The following CCSER1 variants were observed in gnomAD, a reference collection of about 807,000 sequenced individuals.
The protein encoded by CCSER1 is serine-rich coiled-coil domain-containing protein 1.
A neutral mutation model predicts 82.0 loss-of-function variants in CCSER1; 41 were observed. The observed-to-expected ratio is 0.50, with a 90% CI of 0.39 to 0.65. The LOEUF (loss-of-function observed/expected upper bound fraction) is 0.65, where lower values mean the gene tolerates loss of function less well. CCSER1 is among the 30% of genes least tolerant of loss of function. The pLI, the probability that CCSER1 is intolerant of heterozygous loss-of-function variation, is 0.00. For synonymous variants in CCSER1, 414 were observed against 383.9 expected (o/e 1.08, Z -0.92); for missense variants, 1,119 against 1,064.2 (o/e 1.05, Z -0.72).
At chr4:91,405,781 T>C (rs993450655) in intron 10 of CCSER1, among the ~76,000 whole-genome samples, 3 of 152,176 alleles carry the variant, frequency 2.0e-5, no homozygotes, top group Admixed American at 1.3e-4. Context: ...CTGTCATGGC[T>C]TCCCTTGGCT....
At chr4:91,233,438 T>C (rs1394362574) in intron 10 of CCSER1, among the ~76,000 whole-genome samples, 1 of 151,898 alleles carries the variant, frequency 6.6e-6, no homozygotes, top group African/African-American at 2.4e-5. Context: ...GAATTTTATT[T>C]AAGTTATTGA....
At chr4:90,734,609 A>G (rs1745347900) in intron 7 of CCSER1, among the ~76,000 whole-genome samples, 1 of 152,084 alleles carries the variant, frequency 6.6e-6, no homozygotes, top group Non-Finnish European at 1.5e-5. Context: ...TGCAATTTTC[A>G]CAATTTTCAA....
intron 4 of CCSER1, among the ~76,000 whole-genome samples, chr4:90,457,254 C>T (rs568558127): frequency 2.0e-4 from 30 of 152,290 alleles, no homozygotes; most frequent in African/African-American, 7.0e-4. Flanking sequence ...CGCCAAATAG[C>T]GTGTAAGAGC....
intron 10 of CCSER1, among the ~76,000 whole-genome samples, chr4:91,281,082 A>G (rs909678517): frequency 2.0e-5 from 3 of 152,164 alleles, no homozygotes; most frequent in Admixed American, 2.0e-4. Context: ...GAAATCCACC[A>G]TGGAAATGTA....
At chr4:90,187,895 C>T (rs1049911725) in intron 1 of CCSER1, among the ~76,000 whole-genome samples, 1 of 151,692 alleles carries the variant, frequency 6.6e-6, no homozygotes, top group Non-Finnish European at 1.5e-5. Flanking sequence ...GAAACAGTTG[C>T]AGAAGAAAAA....
At chr4:90,194,526 TTTAA>T (rs1736247328) in intron 1 of CCSER1, among the ~76,000 whole-genome samples, 1 of 152,092 alleles carries the variant, frequency 6.6e-6, no homozygotes, top group South Asian at 2.1e-4. Context: ...CATATGATTC[TTTAA>T]TTATATTAGA....
At chr4:91,263,770 A>C (rs1384589048) in intron 10 of CCSER1, among the ~76,000 whole-genome samples, 1 of 152,110 alleles carries the variant, frequency 6.6e-6, no homozygotes, top group African/African-American at 2.4e-5. Flanking sequence ...AATAATAATT[A>C]AAATTGGAAA....
intron 3 of CCSER1, among the ~76,000 whole-genome samples, chr4:90,368,971 T>A (rs1409201255): frequency 1.3e-5 from 2 of 151,900 alleles, no homozygotes; most frequent in African/African-American, 4.8e-5. Context: ...AAAAATTAAT[T>A]AAGCTCTAAA....
At chr4:90,724,998 T>A (rs530973989) in intron 7 of CCSER1, 5 of 442,628 alleles carry the variant, frequency 1.1e-5, no homozygotes, top group Admixed American at 7.3e-5. Context: ...ACTTTTTTGC[T>A]TAATGAGAGT....
chr4:91,403,750 T>C (rs912252061), intron 10 of CCSER1, among the ~76,000 whole-genome samples: 3 of 152,204 alleles, frequency 2.0e-5, no homozygotes, highest in African/African-American at 7.2e-5. Context: ...GAAGCTGACT[T>C]CATCATCATG....
chr4:91,146,108 C>G (rs1423309013), intron 10 of CCSER1, among the ~76,000 whole-genome samples: 1 of 152,132 alleles, frequency 6.6e-6, no homozygotes, highest in African/African-American at 2.4e-5. Flanking sequence ...TTCTTGGAGG[C>G]TTTGTTCATT....
At chr4:90,918,562 G>A (rs542389808) in intron 8 of CCSER1, among the ~76,000 whole-genome samples, 16 of 134,138 alleles carry the variant, frequency 1.2e-4, no homozygotes, top group African/African-American at 4.1e-4. Context: ...GTGTACTTGA[G>A]TATGCGCACG....
intron 10 of CCSER1, among the ~76,000 whole-genome samples, chr4:91,312,856 G>A (rs1023726084): frequency 1.4e-4 from 21 of 151,910 alleles, no homozygotes; most frequent in African/African-American, 4.3e-4. Flanking sequence ...TTTAGAAGGA[G>A]ATAAATAACT....
intron 5 of CCSER1, among the ~76,000 whole-genome samples, chr4:90,485,157 C>T (rs747436505): frequency 1.3e-4 from 20 of 152,202 alleles, no homozygotes; most frequent in Non-Finnish European, 1.5e-4. Context: ...GCTCTGTGGG[C>T]GTAGGACCCT....
chr4:90,323,866 G>A (rs1737627452), intron 3 of CCSER1, among the ~76,000 whole-genome samples: 1 of 151,862 alleles, frequency 6.6e-6, no homozygotes, highest in African/African-American at 2.4e-5. Flanking sequence ...TCCCCTTCCT[G>A]TGTCCATGTG....
At chr4:91,394,212 G>GA (rs1294585208) in intron 10 of CCSER1, among the ~76,000 whole-genome samples, 2 of 151,602 alleles carry the variant, frequency 1.3e-5, no homozygotes, top group African/African-American at 4.8e-5. Context: ...GTTTTCAGAG[G>GA]AAAAAACAAT....
At chr4:90,643,324 C>CAGCT (rs1726910794) in intron 6 of CCSER1, among the ~76,000 whole-genome samples, 1 of 152,182 alleles carries the variant, frequency 6.6e-6, no homozygotes, top group Non-Finnish European at 1.5e-5. Flanking sequence ...AGGAAACAGG[C>CAGCT]AGCTGTCCAG....
intron 6 of CCSER1, among the ~76,000 whole-genome samples, chr4:90,698,488 GA>G (rs1228632330): frequency 6.6e-6 from 1 of 152,166 alleles, no homozygotes; most frequent in East Asian, 1.9e-4. Context: ...GGGAATGATA[GA>G]GTTGGCAAAG....
rs139894927 is a variant in CCSER1 at position 90,376,623 on chromosome 4, C to T, written c.1510-23413C>T. On this transcript the variant is annotated intron_variant, in intron 3 of 10. Coordinates refer to ENST00000509176, the MANE Select transcript of CCSER1 (RefSeq NM_001145065.2). ...GTTGAGATCATTTCTACAAGTCAGT[C>T]TCTTATTGCTGCTCACAGTCCTGTG... 5.2e-3 allele frequency among the ~76,000 whole-genome samples: 787 copies of T among 152,244 alleles called. 3 individuals are homozygous for T. The highest frequency in any genetic ancestry group is 8.7e-3 in the Non-Finnish European group (592 of 68,018).
Sources: allele counts gnomAD v4.1 joint callset (sites outside exome capture counted in the v4.1 genomes callset), GRCh38; gene constraint gnomAD v4.1.1; transcripts MANE v1.5; gene names NCBI Gene and HGNC (gene_info 2026-07-23, HGNC 2026-07-21).